Variants in PKIG observed in about 807,000 individuals in gnomAD.
PKIG encodes the protein cAMP-dependent protein kinase inhibitor gamma.
A neutral mutation model predicts 6.8 loss-of-function variants in PKIG; 1 was observed. The ratio of observed to expected loss-of-function variants is 0.15; its 90% CI spans 0.05 to 0.69. The LOEUF (loss-of-function observed/expected upper bound fraction) is 0.69. Ranked by LOEUF, PKIG falls within the 30% of genes least tolerant of loss-of-function variation. The probability of loss-of-function intolerance (pLI) is 0.82; values close to 1 mark genes in which losing one functional copy is unlikely to be tolerated. For synonymous variants in PKIG, 39 were observed against 43.0 expected (o/e 0.91, Z 0.36); for missense variants, 77 against 104.0 (o/e 0.74, Z 1.13).
At chr20:44,560,249 CTAAATAAA>C (rs56359005) in intron 1 of PKIG, among the ~76,000 whole-genome samples, 276 of 149,274 alleles carry the variant, frequency 1.8e-3, no homozygotes, top group African/African-American at 4.4e-3. Flanking sequence ...GACCTTGTCT[CTAAATAAA>C]TAAATAAATA....
At chr20:44,612,505 C>T (rs2065228559) in intron 2 of PKIG, among the ~76,000 whole-genome samples, 1 of 152,148 alleles carries the variant, frequency 6.6e-6, no homozygotes, top group African/African-American at 2.4e-5. Flanking sequence ...GCAATGACTG[C>T]TATCTAATTG....
chr20:44,569,171 C>T (rs1246613257), intron 1 of PKIG, among the ~76,000 whole-genome samples: 1 of 152,190 alleles, frequency 6.6e-6, no homozygotes, highest in Non-Finnish European at 1.5e-5. Context: ...TCCATTTTCA[C>T]CTACATTTTC....
At chr20:44,555,654 G>A (rs1387045233) in intron 1 of PKIG, among the ~76,000 whole-genome samples, 4 of 151,968 alleles carry the variant, frequency 2.6e-5, no homozygotes, top group Non-Finnish European at 5.9e-5. Flanking sequence ...TTTCATCTTA[G>A]TACTCCCACT....
At chr20:44,606,748 G>C (rs1035005750) in intron 2 of PKIG, among the ~76,000 whole-genome samples, 4 of 152,218 alleles carry the variant, frequency 2.6e-5, no homozygotes, top group African/African-American at 9.6e-5. Flanking sequence ...GGAGGAGGTT[G>C]CAGTGAGCCG....
upstream of PKIG, among the ~76,000 whole-genome samples, chr20:44,579,624 G>T (rs2064930265): frequency 6.6e-6 from 1 of 152,246 alleles, no homozygotes; most frequent in Admixed American, 6.5e-5. Flanking sequence ...TCAGTGCACA[G>T]CTTGGCCCCA....
At chr20:44,591,265 AAC>A (rs1166425770) in intron 2 of PKIG, among the ~76,000 whole-genome samples, 1 of 152,106 alleles carries the variant, frequency 6.6e-6, no homozygotes, top group Non-Finnish European at 1.5e-5. Context: ...CCATGGGCCA[AAC>A]ACAGTGCAGA....
chr20:44,571,249 A>G (rs979495985), intron 1 of PKIG, among the ~76,000 whole-genome samples: 12 of 151,804 alleles, frequency 7.9e-5, no homozygotes, highest in Non-Finnish European at 1.5e-4. Flanking sequence ...TAATAATAAT[A>G]ATGACAAAAT....
chr20:44,592,237 AAGG>A (rs536838670), intron 2 of PKIG, among the ~76,000 whole-genome samples: 290 of 152,262 alleles, frequency 1.9e-3, no homozygotes, highest in African/African-American at 6.6e-3. Flanking sequence ...AATTGGGAAG[AAGG>A]AGAAGGGCCG....
intron 1 of PKIG, among the ~76,000 whole-genome samples, chr20:44,562,027 G>A (rs2064771535): frequency 6.6e-6 from 1 of 152,142 alleles, no homozygotes; most frequent in Non-Finnish European, 1.5e-5. Context: ...GGTGGTGCAT[G>A]CCTGTAGTCC....
At chr20:44,586,354 A>T (rs192945215) in intron 1 of PKIG, among the ~76,000 whole-genome samples, 15 of 152,356 alleles carry the variant, frequency 9.8e-5, no homozygotes, top group Admixed American at 7.8e-4. Context: ...TGGCATTTGC[A>T]TGAGGAACCA....
chr20:44,551,417 A>G (rs1344890538), intron 1 of PKIG, among the ~76,000 whole-genome samples: 2 of 152,202 alleles, frequency 1.3e-5, no homozygotes, highest in Admixed American at 1.3e-4. Context: ...AAATCATGCA[A>G]AAGTACTTTG....
At chr20:44,586,105 G>A (rs899043319) in intron 1 of PKIG, among the ~76,000 whole-genome samples, 1 of 152,138 alleles carries the variant, frequency 6.6e-6, no homozygotes, top group East Asian at 1.9e-4. Flanking sequence ...TGCTTTCACC[G>A]CCTCCTAGCT....
intron 2 of PKIG, among the ~76,000 whole-genome samples, chr20:44,607,123 A>C (rs912293304): frequency 6.6e-6 from 1 of 152,192 alleles, no homozygotes; most frequent in Non-Finnish European, 1.5e-5. Context: ...TGAGGTGGCA[A>C]TTCCACTTTT....
chr20:44,567,402 A>G (rs140603180), intron 1 of PKIG, among the ~76,000 whole-genome samples: 5 of 152,302 alleles, frequency 3.3e-5, no homozygotes, highest in African/African-American at 4.8e-5. Flanking sequence ...GGGCATTTCT[A>G]CCTTTTGGAA....
chr20:44,614,603 G>A lies in PKIG; in HGVS notation c.47G>A (p.Arg16Gln). The change falls in exon 3 of 4, where the codon CGG becomes CAG. Residue 16 changes from arginine (R) to glutamine (Q), a missense_variant. By Grantham distance (43) the Arg-to-Gln change is conservative (BLOSUM62 1). Transcript: ENST00000372886. The surrounding 1 kb of genome is among the most constrained non-coding windows in gnomAD (Gnocchi z 4.6). ...TACTCGGACTTCATCTCCTGTGACC[G>A]GACAGGCCGTCGGAATGCGGTCCCT... is the stretch of plus-strand genomic sequence containing the variant. ...SSYSDFISCD[R>Q]TGRRNAVPDI... 12 of 1,614,048 alleles carry A rather than the reference G, an allele frequency of 7.4e-6. No individual in the cohort carries two copies. The highest frequency in any genetic ancestry group is 1.0e-5 in the Non-Finnish European group (12 of 1,179,954).
At chr20:44,565,911 C>T (rs372004584) in intron 1 of PKIG, among the ~76,000 whole-genome samples, 2 of 152,172 alleles carry the variant, frequency 1.3e-5, no homozygotes, top group Non-Finnish European at 2.9e-5. Context: ...TATAGGCACC[C>T]GCCTTCATGC....
At chr20:44,572,861 C>T (rs1008873848) in intron 1 of PKIG, among the ~76,000 whole-genome samples, 3 of 152,284 alleles carry the variant, frequency 2.0e-5, no homozygotes, top group Admixed American at 1.3e-4. Flanking sequence ...CACATGTTCA[C>T]CCTCTTTAGT....
intron 3 of PKIG, among the ~76,000 whole-genome samples, chr20:44,616,742 C>T (rs371632773): frequency 7.2e-5 from 11 of 152,318 alleles, no homozygotes; most frequent in Non-Finnish European, 1.3e-4. Context: ...CCAGGAAGCC[C>T]GCAGGGAGCA....
At chr20:44,550,873 A>G (rs2064661541) in intron 1 of PKIG, among the ~76,000 whole-genome samples, 1 of 152,148 alleles carries the variant, frequency 6.6e-6, no homozygotes, top group Non-Finnish European at 1.5e-5. Context: ...TTATTATGAA[A>G]AATTTCAAAT....
Sources: allele counts gnomAD v4.1 joint callset (sites outside exome capture counted in the v4.1 genomes callset), GRCh38; gene constraint gnomAD v4.1.1; non-coding constraint Gnocchi (gnomAD v3.1); transcripts MANE v1.5; gene names NCBI Gene and HGNC (gene_info 2026-07-23, HGNC 2026-07-21).